SOX5: variants seen among roughly 807,000 people sequenced by gnomAD.
SOX5 encodes SRY-box transcription factor 5, also known as transcription factor SOX-5.
In SOX5, 9 loss-of-function variants were observed where a neutral mutation model predicts 92.0. That is an observed-to-expected ratio of 0.10 (90% CI 0.06 to 0.17). The LOEUF is 0.17. Among genes scored for constraint, SOX5 ranks in the 10% least tolerant of loss-of-function variants. The pLI is 1.00. For synonymous variants in SOX5, 344 were observed against 336.3 expected (o/e 1.02, Z -0.25); for missense variants, 642 against 944.5 (o/e 0.68, Z 4.20).
At chr12:23,882,882 A>C (rs1301065955) in intron 2 of SOX5, among the ~76,000 whole-genome samples, 1 of 152,138 alleles carries the variant, frequency 6.6e-6, no homozygotes, top group African/African-American at 2.4e-5. Context: ...ACTGTGCCAG[A>C]TTCTAAAGAT....
chr12:23,612,113 G>A lies in SOX5; in HGVS notation c.1018-7580C>T, dbSNP rs189342150. 9.9e-5 allele frequency among the ~76,000 whole-genome samples: 15 copies of A among 151,960 alleles called. No individual in the cohort carries two copies. In the South Asian group the frequency reaches 1.2e-3, roughly 13 times the overall value. On this transcript the variant is annotated intron_variant, in intron 8 of 14. Coordinates refer to ENST00000451604, the MANE Select transcript of SOX5 (RefSeq NM_006940.6). The stretch of plus-strand genomic sequence containing the variant: ...AAATTGTTTAAAATTATTTTTATAC[G>A]TATTATCCTTTTCTCCCAGTGTAAT...
At chr12:24,037,254 C>G (rs1370407312) in intron 4 of SOX5, among the ~76,000 whole-genome samples, 1 of 152,014 alleles carries the variant, frequency 6.6e-6, no homozygotes, top group Non-Finnish European at 1.5e-5. Flanking sequence ...ATACATAGAA[C>G]AGATATACAG....
At chr12:24,240,478 A>C (rs1965360246) in intron 3 of SOX5, among the ~76,000 whole-genome samples, 1 of 152,234 alleles carries the variant, frequency 6.6e-6, no homozygotes, top group Non-Finnish European at 1.5e-5. Context: ...GAAGTCGAAT[A>C]TCAAGATTTC....
At chr12:24,129,788 T>C (rs1260997272) in intron 4 of SOX5, among the ~76,000 whole-genome samples, 1 of 152,112 alleles carries the variant, frequency 6.6e-6, no homozygotes, top group Non-Finnish European at 1.5e-5. Flanking sequence ...TAATAAAGAG[T>C]ATTCAAAAAT....
At chr12:23,989,218 C>CAAAAAAAAAAAAAAAAAAAAA (rs554892984) in intron 4 of SOX5, among the ~76,000 whole-genome samples, 1 of 104,472 alleles carries the variant, frequency 9.6e-6, no homozygotes, top group Non-Finnish European at 1.8e-5. Flanking sequence ...GCCAAAAATA[C>CAAAAAAAAAAAAAAAAAAAAA]AAAAAAAAAA....
At chr12:23,752,747 C>G (rs530291545) in intron 4 of SOX5, among the ~76,000 whole-genome samples, 1 of 151,816 alleles carries the variant, frequency 6.6e-6, no homozygotes, top group Admixed American at 6.6e-5. Context: ...GTAAACTGAC[C>G]AGTTATACTA....
chr12:23,746,713 G>C (rs11047078), intron 4 of SOX5, among the ~76,000 whole-genome samples: 2 of 152,094 alleles, frequency 1.3e-5, no homozygotes, highest in African/African-American at 2.4e-5. Context: ...TGAGGGAAGG[G>C]AACCAGCTTC....
chr12:23,905,234 A>G (rs2097279439), intron 1 of SOX5, among the ~76,000 whole-genome samples: 1 of 152,216 alleles, frequency 6.6e-6, no homozygotes, highest in Non-Finnish European at 1.5e-5. Flanking sequence ...CAGGGAGACA[A>G]ACATTTAAAA....
intron 4 of SOX5, among the ~76,000 whole-genome samples, chr12:24,120,340 G>A (rs1490700878): frequency 6.6e-6 from 1 of 152,036 alleles, no homozygotes; most frequent in African/African-American, 2.4e-5. Flanking sequence ...TACACATTTT[G>A]TTTAAAAAGC....
intron 1 of SOX5, among the ~76,000 whole-genome samples, chr12:24,522,718 C>A (rs919991354): frequency 3.3e-5 from 5 of 151,986 alleles, no homozygotes; most frequent in African/African-American, 1.2e-4. Context: ...AATTCAACAC[C>A]CTTTCATGAC....
At chr12:24,161,441 G>A (rs1042140368) in intron 4 of SOX5, among the ~76,000 whole-genome samples, 1 of 152,078 alleles carries the variant, frequency 6.6e-6, no homozygotes, top group Non-Finnish European at 1.5e-5. Flanking sequence ...ATACCCATAG[G>A]ATCTGTTTAT....
In SOX5 at chr12:24,013,538, T is replaced by C. The variant is rs1427416748; in HGVS notation, c.-1-117514A>G. Among the ~76,000 whole-genome samples the C allele has an allele frequency of 7.2e-5, 11 of 152,110 alleles. No homozygotes were observed. In the South Asian group the frequency reaches 1.5e-3, roughly 20 times the overall value. On this transcript the variant is annotated intron_variant, in intron 4 of 4. Transcript: ENST00000446891. ...CCAAGCTTCAAAAAGAAGCTCTAGT[T>C]TTTAATAACAATGTGAAATTTGGTG...
intron 3 of SOX5, among the ~76,000 whole-genome samples, chr12:24,224,325 GT>G (rs923171286): frequency 6.6e-6 from 1 of 151,530 alleles, no homozygotes; most frequent in Non-Finnish European, 1.5e-5. Context: ...AGCTGACACA[GT>G]TTTTTTCTTT....
intron 2 of SOX5, among the ~76,000 whole-genome samples, chr12:23,881,730 A>C (rs549905540): frequency 6.6e-6 from 1 of 152,316 alleles, no homozygotes; most frequent in African/African-American, 2.4e-5. Flanking sequence ...TAGTAATAAA[A>C]CAATAAGGCA....
Position 23,824,151 on chromosome 12 carries a change from T to C in SOX5, c.481+21832A>G, listed in dbSNP as rs142638884. Among the ~76,000 whole-genome samples the C allele has an allele frequency of 2.6e-4, 39 of 152,340 alleles. No individual in the cohort carries two copies. In the East Asian group the frequency reaches 7.1e-3, roughly 28 times the overall value. On this transcript the variant is annotated intron_variant, in intron 3 of 14. Coordinates refer to ENST00000451604, the MANE Select transcript of SOX5 (RefSeq NM_006940.6). Reference sequence around the variant, plus strand: ...CAAATTCATTCTCCATCCAGTTTTGTTCCCTTGCTGGCGAGGAGTTGTGAT... The same window carrying C: ...CAAATTCATTCTCCATCCAGTTTTGCTCCCTTGCTGGCGAGGAGTTGTGAT...
intron 4 of SOX5, among the ~76,000 whole-genome samples, chr12:24,077,865 C>G (rs79493402): frequency 0.013 from 1,905 of 143,282 alleles, 49 homozygotes; most frequent in South Asian, 0.077. Context: ...AAAATCTTAA[C>G]AACACACCCA....
rs200651353 is a variant in SOX5, at chr12:24,395,248, TA to T, written c.-250-26610del. ...ATAAGGATGGAGAACACAGATCTAT[TA>T]AAAAAAAAAAGAGCTACCATTTTGT... is the stretch of plus-strand genomic sequence containing the variant. On this transcript the variant is annotated intron_variant, in intron 1 of 4. Transcript: ENST00000446891. 3.6e-3 allele frequency among the ~76,000 whole-genome samples: 519 copies of T among 145,806 alleles called. 2 individuals carry two copies. The highest frequency in any genetic ancestry group is 0.011 in the African/African-American group (450 of 40,140).
At chr12:24,243,702 A>C (rs1441487461) in intron 3 of SOX5, among the ~76,000 whole-genome samples, 1 of 152,168 alleles carries the variant, frequency 6.6e-6, no homozygotes, top group Non-Finnish European at 1.5e-5. Flanking sequence ...TTCATTCATT[A>C]AGTATACATG....
At chr12:23,699,924 AT>A (rs910176474) in intron 6 of SOX5, among the ~76,000 whole-genome samples, 2 of 152,102 alleles carry the variant, frequency 1.3e-5, no homozygotes, top group African/African-American at 4.8e-5. Flanking sequence ...CTCTAGAAGG[AT>A]TTTTCTTCCC....
Sources: gnomAD v4.1 joint callset for allele counts (sites outside exome capture counted in the v4.1 genomes callset) on GRCh38, gnomAD v4.1.1 for gene constraint, MANE v1.5 for transcripts, NCBI Gene and HGNC (gene_info 2026-07-23, HGNC 2026-07-21) for gene names.